The following GOLGA8O variants were observed in gnomAD, a reference collection of about 807,000 sequenced individuals.
GOLGA8O encodes the protein golgin A8 family member O, also known as golgin subfamily A member 8O.
In GOLGA8O, 4 loss-of-function variants were observed where a neutral mutation model predicts 29.7. The ratio of observed to expected loss-of-function variants is 0.13; its 90% CI spans 0.07 to 0.31. GOLGA8O has a LOEUF of 0.31. Ranked by LOEUF, GOLGA8O falls within the 10% of genes least tolerant of loss-of-function variation. The probability of loss-of-function intolerance (pLI) is 1.00; values close to 1 mark genes in which losing one functional copy is unlikely to be tolerated. For missense variants in GOLGA8O, 32 were observed against 216.5 expected (o/e 0.15, Z 5.35); for synonymous variants, 6 against 78.0 (o/e 0.08, Z 4.87).
At chr15:32,447,188 G>A (rs2055091665) in intron 13 of GOLGA8O, 116 bp from the exon 14 acceptor site, 74 of 5,618 alleles carry the variant, frequency 0.013, no homozygotes, top group East Asian at 0.058. Context: ...AGGCCATCTC[G>A]GCCACTGCTT....
upstream of GOLGA8O, among the ~76,000 whole-genome samples, chr15:32,459,262 C>A: frequency 1.4e-5 from 1 of 70,074 alleles, no homozygotes; most frequent in African/African-American, 5.6e-5. Flanking sequence ...CATTGTACTC[C>A]AGCCTAGGCA....
upstream of GOLGA8O, among the ~76,000 whole-genome samples, chr15:32,458,447 G>C (rs867431452): frequency 1.9e-4 from 20 of 102,812 alleles, 1 homozygote; most frequent in African/African-American, 6.8e-4. Flanking sequence ...TCAGGCAAGA[G>C]AATGTAGATT....
At chr15:32,458,604 C>G (rs1411091240), upstream of GOLGA8O, among the ~76,000 whole-genome samples, 5 of 100,712 alleles carry the variant, frequency 5.0e-5, no homozygotes, top group Non-Finnish European at 1.1e-4. Context: ...CAAAGAACTC[C>G]CAATCAATTT....
At chr15:32,458,466 A>C (rs2055205035), upstream of GOLGA8O, among the ~76,000 whole-genome samples, 2 of 105,624 alleles carry the variant, frequency 1.9e-5, no homozygotes, top group Non-Finnish European at 2.0e-5. Context: ...TTTTACATCC[A>C]GAGGAATGGA....
At chr15:32,458,719 C>T (rs1330609927), upstream of GOLGA8O, among the ~76,000 whole-genome samples, 1 of 111,746 alleles carries the variant, frequency 8.9e-6, no homozygotes, top group Admixed American at 8.5e-5. Flanking sequence ...ATGATCAGAG[C>T]TCACTGCAGC....
At chr15:32,451,086 G>A (rs1228302728) in intron 7 of GOLGA8O, 32 bp downstream of exon 7, 2 of 1,182,324 alleles carry the variant, frequency 1.7e-6, no homozygotes, top group Admixed American at 2.0e-5. Flanking sequence ...AAAGTGCCAG[G>A]TTGAAGGATG....
rs2055085313 is a variant in GOLGA8O at position 32,446,576 on chromosome 15, T to G, written c.1277-11A>C. 6.4e-7 allele frequency: 1 copy of G among 1,567,714 alleles called. No homozygotes were observed. The highest frequency in any genetic ancestry group is 8.6e-7 in the Non-Finnish European group (1 of 1,163,956). ...GTTCTCCTCCGTGTCCTGTGGGGGG[T>G]GGCCAGAGGGGTCTTCAGACAACCC... On this transcript the variant is annotated splice_polypyrimidine_tract_variant and intron_variant, in intron 14 of 18. Coordinates refer to ENST00000509311, the MANE Select transcript of GOLGA8O (RefSeq NM_001277308.1).
At chr15:32,451,467 G>C in intron 5 of GOLGA8O, 129 bp from the exon 6 acceptor site, 1 of 1,423,610 alleles carries the variant, frequency 7.0e-7, no homozygotes, top group Non-Finnish European at 9.7e-7. Flanking sequence ...CAGGGGCCCT[G>C]TGGGGATGGG....
chr15:32,450,527 A>G (rs908460558), intron 8 of GOLGA8O, among the ~76,000 whole-genome samples: 1 of 142,758 alleles, frequency 7.0e-6, no homozygotes, highest in African/African-American at 2.6e-5. Context: ...GTACACACAC[A>G]CACACACACA....
intron 8 of GOLGA8O, among the ~76,000 whole-genome samples, chr15:32,450,567 T>C (rs1413677373): frequency 6.9e-6 from 1 of 145,676 alleles, no homozygotes; most frequent in African/African-American, 2.5e-5. Context: ...GCGTTTCCTC[T>C]TTCTACAGAA....
At chr15:32,458,623 TTTTA>T (rs1407973632), upstream of GOLGA8O, among the ~76,000 whole-genome samples, 55 of 91,766 alleles carry the variant, frequency 6.0e-4, 1 homozygote, top group African/African-American at 2.4e-3. Context: ...TTTTATTTAT[TTTTA>T]TTTTTATTTA....
chr15:32,451,553 G>GC, intron 5 of GOLGA8O, 48 bp downstream of exon 5: 4 of 1,594,112 alleles, frequency 2.5e-6, no homozygotes, highest in Non-Finnish European at 3.4e-6. Flanking sequence ...ATGTCTGAGT[G>GC]CCCCCCAAAC....
rs2055058934 is a variant in GOLGA8O at position 32,444,311 on chromosome 15, AG to A, written c.*794del. On this transcript the variant is annotated 3_prime_UTR_variant, in exon 19 of 19. Coordinates refer to ENST00000509311, the MANE Select transcript of GOLGA8O (RefSeq NM_001277308.1). The stretch of plus-strand genomic sequence containing the variant: ...AGCCCTTTTTAGGTCATCGAAAAAG[AG>A]TGCAACTGCTGCAGCTCATGATGCA... Among the ~76,000 whole-genome samples, 2 of 123,630 alleles carry A rather than the reference AG, an allele frequency of 1.6e-5. No homozygotes were observed. The highest frequency in any genetic ancestry group is 3.6e-5 in the Non-Finnish European group (2 of 55,214). 81.1% of individuals were successfully genotyped at this position (123,630 alleles called of 152,430 possible).
upstream of GOLGA8O, among the ~76,000 whole-genome samples, chr15:32,459,431 A>G (rs2055213866): frequency 8.2e-6 from 1 of 122,040 alleles, no homozygotes. Flanking sequence ...GGGAGAAGAC[A>G]AAGAGTATCA....
upstream of GOLGA8O, among the ~76,000 whole-genome samples, chr15:32,459,381 T>A: frequency 1.7e-5 from 2 of 115,384 alleles, no homozygotes; most frequent in African/African-American, 3.4e-5. Context: ...AAGACCAAAA[T>A]AAACTAAGAA....
chr15:32,446,261 G>C (rs369703005), intron 15 of GOLGA8O, among the ~76,000 whole-genome samples: 101 of 125,124 alleles, frequency 8.1e-4, no homozygotes, highest in Admixed American at 2.1e-3. Context: ...ATACACAGAA[G>C]AAATGGGGCA....
the GOLGA8O span, among the ~76,000 whole-genome samples, chr15:32,460,856 A>T: frequency 5.0e-5 from 4 of 80,066 alleles, no homozygotes; most frequent in Admixed American, 4.6e-4. Flanking sequence ...AAAAAAAAAA[A>T]TGCTTAAATA....
At chr15:32,460,600 G>A (rs1450096781), upstream of GOLGA8O, among the ~76,000 whole-genome samples, 22 of 90,106 alleles carry the variant, frequency 2.4e-4, 3 homozygotes, top group East Asian at 5.9e-3. Flanking sequence ...TATGAGAGAC[G>A]TGAATACTGA....
At chr15:32,460,802 T>C in the GOLGA8O span, among the ~76,000 whole-genome samples, 3 of 90,084 alleles carry the variant, frequency 3.3e-5, no homozygotes, top group Non-Finnish European at 7.0e-5. Context: ...GAGTAAAAAT[T>C]CTAACACTTG....
Sources: allele counts gnomAD v4.1 joint callset (sites outside exome capture counted in the v4.1 genomes callset), GRCh38; gene constraint gnomAD v4.1.1; transcripts MANE v1.5; gene names NCBI Gene and HGNC (gene_info 2026-07-23, HGNC 2026-07-21).